The following DAAM1 variants were observed in gnomAD, a reference collection of about 807,000 sequenced individuals.
DAAM1 encodes the protein dishevelled associated activator of morphogenesis 1, also known as disheveled-associated activator of morphogenesis 1.
In DAAM1, 52 loss-of-function variants were observed where a neutral mutation model predicts 130.0. The observed-to-expected ratio is 0.40, with a 90% CI of 0.32 to 0.50. DAAM1 has a LOEUF of 0.50. DAAM1 is among the 20% of genes least tolerant of loss of function. The pLI is 0.61. For missense variants in DAAM1, 1,134 were observed against 1,303.8 expected (o/e 0.87, Z 2.01); for synonymous variants, 452 against 444.5 (o/e 1.02, Z -0.21).
chr14:59,329,752 T>G (rs540165180), intron 12 of DAAM1, among the ~76,000 whole-genome samples: 1 of 152,336 alleles, frequency 6.6e-6, no homozygotes, highest in South Asian at 2.1e-4. Context: ...GATGCCCTGT[T>G]TTATTATAGC....
In DAAM1 at chr14:59,363,596, G is replaced by T. The variant is rs900973967; in HGVS notation, c.2695-55G>T. The T allele has an allele frequency of 2.5e-6, 4 of 1,609,254 alleles. No homozygotes were observed. The African/African-American group carries it at 5.3e-5, about 22-fold the overall frequency. On this transcript the variant is annotated intron_variant, in intron 22 of 24. Transcript: ENST00000360909. ...GCATGTGAAATATGAGACGAGGTGT[G>T]TCTCATGTCTGTATTTGAAGCCTGC... is the stretch of plus-strand genomic sequence containing the variant.
chr14:59,275,281 T>C (rs982941249), intron 2 of DAAM1, among the ~76,000 whole-genome samples: 2 of 152,044 alleles, frequency 1.3e-5, no homozygotes, highest in African/African-American at 2.4e-5. Flanking sequence ...ATGGGGCCTG[T>C]CAGAGGGTGA....
chr14:59,283,070 C>G (rs983724449), intron 2 of DAAM1, among the ~76,000 whole-genome samples: 1 of 152,084 alleles, frequency 6.6e-6, no homozygotes, highest in African/African-American at 2.4e-5. Flanking sequence ...ATATTAAAAC[C>G]CTTTGCTTTG....
chr14:59,289,784 A>ATATATATATATATACACATATATATATAT, intron 2 of DAAM1, among the ~76,000 whole-genome samples: 2 of 128,708 alleles, frequency 1.6e-5, no homozygotes, highest in African/African-American at 5.7e-5. Context: ...ATATATATAT[A>ATATATATATATATACACATATATATATAT]ATGGAATGCT....
At chr14:59,220,807 A>G (rs922999407) in intron 1 of DAAM1, among the ~76,000 whole-genome samples, 1 of 152,206 alleles carries the variant, frequency 6.6e-6, no homozygotes, top group Non-Finnish European at 1.5e-5. Flanking sequence ...TAGATGTTTC[A>G]GCTCTAGGAG....
intron 2 of DAAM1, among the ~76,000 whole-genome samples, chr14:59,266,693 C>T (rs1020748076): frequency 6.6e-6 from 1 of 152,168 alleles, no homozygotes; most frequent in African/African-American, 2.4e-5. Context: ...AAGGGGTGGC[C>T]TGGCCAAGAG....
chr14:59,249,868 C>CT (rs573863691), intron 1 of DAAM1, among the ~76,000 whole-genome samples: 83 of 152,030 alleles, frequency 5.5e-4, no homozygotes, highest in Middle Eastern at 3.4e-3. Context: ...CTTATATGCA[C>CT]TTTTTTTTAC....
intron 16 of DAAM1, 71 bp downstream of exon 16, chr14:59,340,251 T>C: frequency 6.9e-6 from 10 of 1,447,090 alleles, no homozygotes; most frequent in Non-Finnish European, 9.6e-6. Flanking sequence ...AACCACATGT[T>C]AGTGATTTTG....
At chr14:59,329,567 C>G (rs1885340298) in intron 12 of DAAM1, among the ~76,000 whole-genome samples, 1 of 152,118 alleles carries the variant, frequency 6.6e-6, no homozygotes, top group Non-Finnish European at 1.5e-5. Flanking sequence ...TAGCTCGGCC[C>G]CAGTGGGTTA....
intron 2 of DAAM1, among the ~76,000 whole-genome samples, chr14:59,284,124 ACTT>A (rs1883342312): frequency 6.6e-6 from 1 of 152,128 alleles, no homozygotes; most frequent in African/African-American, 2.4e-5. Flanking sequence ...TTTGAGAACC[ACTT>A]CTTTAGGAGA....
intron 1 of DAAM1, among the ~76,000 whole-genome samples, chr14:59,255,580 A>T (rs1193818629): frequency 6.6e-6 from 1 of 152,192 alleles, no homozygotes; most frequent in Non-Finnish European, 1.5e-5. Flanking sequence ...TACACATCAG[A>T]GCCCTCTGGA....
chr14:59,338,378 G>A, intron 15 of DAAM1: 1 of 1,613,570 alleles, frequency 6.2e-7, no homozygotes, highest in East Asian at 2.2e-5. Flanking sequence ...CTCTGCCATG[G>A]CTGTAGGATT....
intron 1 of DAAM1, among the ~76,000 whole-genome samples, chr14:59,234,539 G>C (rs1417507819): frequency 6.6e-6 from 1 of 152,038 alleles, no homozygotes; most frequent in Non-Finnish European, 1.5e-5. Flanking sequence ...GAGATGGTGG[G>C]GTTTTCTAAA....
At chr14:59,333,139 A>G (rs559406518) in intron 15 of DAAM1, among the ~76,000 whole-genome samples, 121 of 151,970 alleles carry the variant, frequency 8.0e-4, no homozygotes, top group African/African-American at 2.5e-3. Flanking sequence ...AATGGGGGGG[A>G]AAAGCCAATA....
chr14:59,227,386 G>A (rs1260801002), intron 1 of DAAM1, among the ~76,000 whole-genome samples: 2 of 152,140 alleles, frequency 1.3e-5, no homozygotes, highest in Non-Finnish European at 2.9e-5. Context: ...TCACCTTCTT[G>A]TTATCTTACG....
chr14:59,291,154 A>G, intron 2 of DAAM1, 63 bp from the exon 3 acceptor site: 1 of 1,344,620 alleles, frequency 7.4e-7, no homozygotes, highest in Non-Finnish European at 1.0e-6. Flanking sequence ...GATGATACTG[A>G]TAACGTTCTC....
intron 1 of DAAM1, among the ~76,000 whole-genome samples, chr14:59,212,220 A>C (rs1310965750): frequency 6.6e-6 from 1 of 152,208 alleles, no homozygotes; most frequent in Non-Finnish European, 1.5e-5. Flanking sequence ...TATATGACAA[A>C]GTATGTGATC....
chr14:59,328,856 G>A (rs1157669608), intron 12 of DAAM1, among the ~76,000 whole-genome samples: 1 of 152,162 alleles, frequency 6.6e-6, no homozygotes, highest in East Asian at 1.9e-4. Flanking sequence ...GAGTCTAAAA[G>A]AGGAAAGATT....
At chr14:59,198,437 C>T (rs754274042) in intron 1 of DAAM1, among the ~76,000 whole-genome samples, 37 of 152,040 alleles carry the variant, frequency 2.4e-4, no homozygotes, top group Non-Finnish European at 3.7e-4. Flanking sequence ...AACTCCTGAC[C>T]TTGTGATCCG....
Sources: allele counts gnomAD v4.1 joint callset (sites outside exome capture counted in the v4.1 genomes callset), GRCh38; gene constraint gnomAD v4.1.1; transcripts MANE v1.5; gene names NCBI Gene and HGNC (gene_info 2026-07-23, HGNC 2026-07-21).